Variants in SLC12A7 observed in about 807,000 individuals in gnomAD.
SLC12A7 encodes solute carrier family 12 member 7.
A neutral mutation model predicts 120.6 loss-of-function variants in SLC12A7; 100 were observed. The ratio of observed to expected loss-of-function variants is 0.83; its 90% CI spans 0.71 to 0.98. The LOEUF (loss-of-function observed/expected upper bound fraction) is 0.98, where lower values mean the gene tolerates loss of function less well. Ranked by LOEUF, SLC12A7 falls within the 50% of genes least tolerant of loss-of-function variation. The pLI is 0.00. For missense variants in SLC12A7, 1,373 were observed against 1,548.1 expected (o/e 0.89, Z 1.90); for synonymous variants, 760 against 678.0 (o/e 1.12, Z -1.88).
rs1734999278 is a variant in SLC12A7 at position 1,051,228 on chromosome 5, C to G, written c.*1132G>C. 1.3e-5 allele frequency: 4 copies of G among 305,350 alleles called. No individual in the cohort carries two copies. In the Admixed American group the frequency reaches 2.0e-4, roughly 16 times the overall value. 18.9% of individuals were successfully genotyped at this position (305,350 alleles called of 1,614,324 possible). ...CCTCCATGCAAGGCACAGGCCATGG[C>G]AGGGGACGCCCGGGACTCAGCCAGA... On this transcript the variant is annotated 3_prime_UTR_variant, in exon 24 of 24. Coordinates refer to ENST00000264930, the MANE Select transcript of SLC12A7 (RefSeq NM_006598.3).
At chr5:1,053,026 G>C (rs912442628) in intron 23 of SLC12A7, among the ~76,000 whole-genome samples, 1 of 152,224 alleles carries the variant, frequency 6.6e-6, no homozygotes, top group Admixed American at 6.5e-5. Context: ...CCCCAGCGGA[G>C]GTCCCAGAAT....
chr5:1,135,105 C>T, the SLC12A7 span, among the ~76,000 whole-genome samples: 1 of 152,012 alleles, frequency 6.6e-6, no homozygotes, highest in Non-Finnish European at 1.5e-5. Flanking sequence ...CCAGCCTGGG[C>T]GACAGGGCAA....
chr5:1,115,691 C>T (rs1251684943), upstream of SLC12A7, among the ~76,000 whole-genome samples: 2 of 152,102 alleles, frequency 1.3e-5, no homozygotes, highest in African/African-American at 2.4e-5. Flanking sequence ...CCTGGAGGCC[C>T]CACACTCCTT....
the SLC12A7 span, among the ~76,000 whole-genome samples, chr5:1,152,270 G>A: frequency 1.8e-4 from 28 of 152,226 alleles, no homozygotes; most frequent in African/African-American, 6.3e-4. Flanking sequence ...TTGTGCCCAC[G>A]GAAGATGCCA....
At chr5:1,124,559 A>G in the SLC12A7 span, among the ~76,000 whole-genome samples, 1 of 152,352 alleles carries the variant, frequency 6.6e-6, no homozygotes, top group East Asian at 1.9e-4. Flanking sequence ...TTCCTGATGG[A>G]AACACCGAAA....
At position 1,093,649 on chromosome 5, in the gene SLC12A7, T is replaced by C; in HGVS notation, c.226A>G (p.Met76Val). 1 of 1,612,912 alleles carries C rather than the reference T, an allele frequency of 6.2e-7. No homozygotes were observed. Among genetic ancestry groups the C allele is most frequent in the Non-Finnish European group, 8.5e-7 (1 of 1,179,804 alleles). The change falls in exon 3 of 24, where the codon ATG (methionine) becomes GTG (valine). Residue 76 changes from methionine to valine, a missense_variant. By Grantham distance (21) the Met-to-Val change is conservative. Coordinates refer to ENST00000264930, the MANE Select transcript of SLC12A7 (RefSeq NM_006598.3). ...GKNMALFEEE[M>V]DSNPMVSSLL... Reference sequence around the variant, plus strand: ...GAGGACACCATGGGGTTACTGTCCATCTCCTCCTGCGCGGCGTGGACATGG... The same window carrying C: ...GAGGACACCATGGGGTTACTGTCCACCTCCTCCTGCGCGGCGTGGACATGG...
chr5:1,131,225 G>A, the SLC12A7 span, among the ~76,000 whole-genome samples: 1 of 152,164 alleles, frequency 6.6e-6, no homozygotes, highest in Admixed American at 6.5e-5. Context: ...ACTTGCAGGG[G>A]CCCATGGGGA....
chr5:1,147,622 A>T, the SLC12A7 span, among the ~76,000 whole-genome samples: 1 of 152,046 alleles, frequency 6.6e-6, no homozygotes, highest in East Asian at 1.9e-4. Context: ...CCCAAATACT[A>T]ATCAGAAAAC....
At chr5:1,102,553 C>T (rs58030542) in intron 1 of SLC12A7, among the ~76,000 whole-genome samples, 7,300 of 152,326 alleles carry the variant, frequency 0.048, 597 homozygotes, top group African/African-American at 0.16. Context: ...CCAGGTCCGA[C>T]AGCCTCCGCC....
At chr5:1,061,447 C>T (rs868705150) in intron 20 of SLC12A7, among the ~76,000 whole-genome samples, 3 of 70,022 alleles carry the variant, frequency 4.3e-5, no homozygotes, top group African/African-American at 1.3e-4. Flanking sequence ...CCGCACCCGC[C>T]GTGCGGGATC....
intron 3 of SLC12A7, among the ~76,000 whole-genome samples, chr5:1,090,328 C>T (rs565845646): frequency 8.5e-5 from 13 of 152,152 alleles, no homozygotes; most frequent in Admixed American, 8.5e-4. Context: ...CAGCTCGGAG[C>T]GTGGGAAGCC....
intron 1 of SLC12A7, among the ~76,000 whole-genome samples, chr5:1,096,340 G>A (rs1301458163): frequency 6.6e-6 from 1 of 152,168 alleles, no homozygotes; most frequent in Non-Finnish European, 1.5e-5. Flanking sequence ...AAGGGCAGAT[G>A]GGCGTTCTCC....
At chr5:1,095,786 G>A (rs977368038) in intron 1 of SLC12A7, among the ~76,000 whole-genome samples, 14 of 152,218 alleles carry the variant, frequency 9.2e-5, no homozygotes, top group East Asian at 7.7e-4. Context: ...GGTTCCAGCC[G>A]TGCCAGCAAA....
At chr5:1,075,624 A>ACGAC (rs1422853943) in intron 14 of SLC12A7, 134 bp from the exon 15 acceptor site, 11 of 1,347,414 alleles carry the variant, frequency 8.2e-6, no homozygotes, top group Non-Finnish European at 1.1e-5. Context: ...CTGACGCCTG[A>ACGAC]CGACCATGGC....
At chr5:1,154,464 A>G in the SLC12A7 span, among the ~76,000 whole-genome samples, 5 of 151,870 alleles carry the variant, frequency 3.3e-5, no homozygotes, top group African/African-American at 1.2e-4. Flanking sequence ...CACACACCTC[A>G]TATGCCATAC....
intron 3 of SLC12A7, 36 bp from the exon 4 acceptor site, chr5:1,089,164 C>G: frequency 6.2e-7 from 1 of 1,602,508 alleles, no homozygotes; most frequent in Non-Finnish European, 8.5e-7. Flanking sequence ...GGGGCTCGTA[C>G]CCCACACCCA....
intron 2 of SLC12A7, 50 bp from the exon 3 acceptor site, chr5:1,093,705 C>T: frequency 6.2e-7 from 1 of 1,603,598 alleles, no homozygotes; most frequent in Non-Finnish European, 8.5e-7. Context: ...GCCGTGGGCC[C>T]CCCGACCTCC....
the SLC12A7 span, among the ~76,000 whole-genome samples, chr5:1,134,610 C>T: frequency 0.31 from 46,494 of 151,920 alleles, 8,901 homozygotes; most frequent in African/African-American, 0.55. Flanking sequence ...GGAAACAGAA[C>T]GGCAGTTCCT....
In SLC12A7 at chr5:1,111,740, G is replaced by A. The variant is rs568437900; in HGVS notation, c.124+128C>T. On this transcript the variant is annotated intron_variant, in intron 1 of 23. Transcript: ENST00000264930. ...CCCTCGTGGGGGACCGAGAACAGGC[G>A]GTGGGGGCGCGGGAAGGGGCGCCTC... The A allele has an allele frequency of 3.2e-4, 309 of 960,334 alleles. No homozygotes were observed. In the African/African-American group the frequency reaches 4.8e-3, roughly 15 times the overall value. 59.5% of individuals were successfully genotyped at this position (960,334 alleles called of 1,614,324 possible). A position where few individuals can be genotyped will look rare whatever the true frequency, so the allele number is the denominator to read the frequency against.
Sources: allele counts gnomAD v4.1 joint callset (sites outside exome capture counted in the v4.1 genomes callset), GRCh38; gene constraint gnomAD v4.1.1; transcripts MANE v1.5; gene names NCBI Gene and HGNC (gene_info 2026-07-23, HGNC 2026-07-21).